DPP10: variants seen among roughly 807,000 people sequenced by gnomAD.
The protein encoded by DPP10 is dipeptidyl peptidase like 10, also known as inactive dipeptidyl peptidase 10.
Under a neutral mutation model 120.9 loss-of-function variants are expected in DPP10, and 33 were observed. The ratio of observed to expected loss-of-function variants is 0.27; its 90% confidence interval spans 0.21 to 0.37. DPP10 has a LOEUF of 0.37. Among genes scored for constraint, DPP10 ranks in the 10% least tolerant of loss-of-function variants. The probability of loss-of-function intolerance (pLI) is 1.00; values close to 1 mark genes in which losing one functional copy is unlikely to be tolerated. For missense variants in DPP10, 816 were observed against 942.8 expected, an observed-to-expected ratio of 0.87 and a Z score of 1.76; for synonymous variants, 337 against 326.1, an observed-to-expected ratio of 1.03 and a Z score of -0.36.
intron 5 of DPP10, among the ~76,000 whole-genome samples, chr2:115,635,073 G>A (rs1266832817): frequency 6.6e-6 from 1 of 151,472 alleles, no homozygotes; most frequent in African/African-American, 2.4e-5. Context: ...GCATTGCAGG[G>A]GAAAGATGGC....
At chr2:115,511,096 A>C (rs1219765239) in intron 4 of DPP10, among the ~76,000 whole-genome samples, 2 of 152,124 alleles carry the variant, frequency 1.3e-5, no homozygotes, top group Non-Finnish European at 2.9e-5. Flanking sequence ...TTTGATATCA[A>C]GATAATACTA....
intron 1 of DPP10, among the ~76,000 whole-genome samples, chr2:114,729,207 A>C (rs1316647794): frequency 6.6e-6 from 1 of 152,262 alleles, no homozygotes; most frequent in Non-Finnish European, 1.5e-5. Flanking sequence ...CATTCAACCA[A>C]AAGCAAAACT....
chr2:115,226,614 A>G (rs1467987718), intron 1 of DPP10, among the ~76,000 whole-genome samples: 2 of 152,228 alleles, frequency 1.3e-5, no homozygotes, highest in Admixed American at 6.5e-5. Flanking sequence ...TTATTCAGCT[A>G]TGAAATACTT....
At chr2:114,538,275 A>G (rs1686678316) in intron 1 of DPP10, among the ~76,000 whole-genome samples, 1 of 152,186 alleles carries the variant, frequency 6.6e-6, no homozygotes, top group Non-Finnish European at 1.5e-5. Context: ...AAGAAAGAAG[A>G]GGAAAGGAAA....
intron 1 of DPP10, among the ~76,000 whole-genome samples, chr2:115,179,568 A>G (rs912106158): frequency 6.6e-6 from 1 of 152,202 alleles, no homozygotes; most frequent in African/African-American, 2.4e-5. Flanking sequence ...CCACCCTCTC[A>G]GTGAATAAGG....
intron 5 of DPP10, among the ~76,000 whole-genome samples, chr2:115,556,447 T>G (rs2080221965): frequency 6.6e-6 from 1 of 151,052 alleles, no homozygotes; most frequent in South Asian, 2.1e-4. Flanking sequence ...TCTTCCAATG[T>G]GGCCAAGGAA....
intron 3 of DPP10, among the ~76,000 whole-genome samples, chr2:115,439,387 A>G (rs527892775): frequency 5.9e-5 from 9 of 152,364 alleles, no homozygotes; most frequent in South Asian, 4.1e-4. Context: ...GTGTCAGGAC[A>G]TAACAGTGAT....
intron 1 of DPP10, among the ~76,000 whole-genome samples, chr2:115,193,808 T>C (rs917516080): frequency 2.6e-5 from 4 of 152,168 alleles, no homozygotes; most frequent in African/African-American, 7.2e-5. Flanking sequence ...TGAATACTTA[T>C]TGTGTCTTTT....
intron 4 of DPP10, among the ~76,000 whole-genome samples, chr2:115,503,785 C>T (rs1417582969): frequency 1.3e-5 from 2 of 151,958 alleles, no homozygotes; most frequent in Non-Finnish European, 2.9e-5. Flanking sequence ...GATTTTGCTC[C>T]CAGGAGACAT....
intron 1 of DPP10, among the ~76,000 whole-genome samples, chr2:114,696,464 A>G (rs1273415355): frequency 2.0e-5 from 3 of 152,046 alleles, no homozygotes. Flanking sequence ...CGTAAAGACA[A>G]TTCTTTTATT....
intron 1 of DPP10, among the ~76,000 whole-genome samples, chr2:115,182,700 G>T (rs749153810): frequency 3.6e-4 from 55 of 152,004 alleles, no homozygotes; most frequent in Admixed American, 3.3e-4. Flanking sequence ...TTTACTCCTT[G>T]GAATAAGTGA....
In DPP10 at chr2:115,467,810, C is replaced by G. The variant is rs944346847; in HGVS notation, c.272-31700C>G. On this transcript the variant is annotated intron_variant, in intron 3 of 25. Coordinates refer to ENST00000410059, the MANE Select transcript of DPP10 (RefSeq NM_020868.6). ...AGAACATTCTGCATACAGGCAGGAC[C>G]TTGTGAAGCAAAATTTATAGCTTTG... 3.3e-5 allele frequency among the ~76,000 whole-genome samples: 5 copies of G among 152,234 alleles called. No individual in the cohort carries two copies. The South Asian group carries it at 6.2e-4, about 19-fold the overall frequency.
chr2:115,146,197 C>T (rs186516782), intron 1 of DPP10, among the ~76,000 whole-genome samples: 86 of 152,064 alleles, frequency 5.7e-4, no homozygotes, highest in Non-Finnish European at 1.8e-4. Context: ...AAGTGTGATC[C>T]CGAATCCCAT....
chr2:115,002,031 A>G (rs1430479357), intron 1 of DPP10, among the ~76,000 whole-genome samples: 1 of 152,222 alleles, frequency 6.6e-6, no homozygotes, highest in Non-Finnish European at 1.5e-5. Flanking sequence ...AGACAAAACT[A>G]TTTTAAAATT....
chr2:114,648,810 A>G (rs1234164439), intron 1 of DPP10, among the ~76,000 whole-genome samples: 1 of 152,222 alleles, frequency 6.6e-6, no homozygotes, highest in Non-Finnish European at 1.5e-5. Flanking sequence ...AGAGTGGTAC[A>G]TACATACAAA....
At position 115,711,418 on chromosome 2, in the gene DPP10, A is replaced by G. The variant is rs1430507997; in HGVS notation, c.577-16398A>G. 2.0e-5 allele frequency among the ~76,000 whole-genome samples: 3 copies of G among 152,114 alleles called. No homozygotes were observed. The East Asian group carries it at 5.8e-4, about 29-fold the overall frequency. On this transcript the variant is annotated intron_variant, in intron 7 of 25. Transcript: ENST00000410059. ...CAGTGGCTACGTATTTGCAGAGATT[A>G]TAAATTGAGAGTCATTCTGGATTCT... is the stretch of plus-strand genomic sequence containing the variant.
intron 1 of DPP10, among the ~76,000 whole-genome samples, chr2:114,660,540 CA>C (rs1266150995): frequency 2.0e-5 from 3 of 152,094 alleles, no homozygotes; most frequent in Admixed American, 6.5e-5. Context: ...ATAGGAAGTG[CA>C]AAGGGCTTAG....
At chr2:114,666,664 T>C (rs997933162) in intron 1 of DPP10, among the ~76,000 whole-genome samples, 11 of 152,126 alleles carry the variant, frequency 7.2e-5, no homozygotes, top group Admixed American at 5.2e-4. Context: ...GGGCAAGAGG[T>C]TGAGGCACCT....
intron 4 of DPP10, among the ~76,000 whole-genome samples, chr2:115,513,797 C>T (rs2077358699): frequency 6.6e-6 from 1 of 151,976 alleles, no homozygotes; most frequent in African/African-American, 2.4e-5. Flanking sequence ...AAAGGAGTTA[C>T]AAGCAAATGT....
Sources: allele counts gnomAD v4.1 joint callset (sites outside exome capture counted in the v4.1 genomes callset), GRCh38; gene constraint gnomAD v4.1.1; transcripts MANE v1.5; gene names NCBI Gene and HGNC (gene_info 2026-07-23, HGNC 2026-07-21).